The following VDAC1 variants were observed in gnomAD, a reference collection of about 807,000 sequenced individuals.
The protein encoded by VDAC1 is voltage dependent anion channel 1.
A neutral mutation model predicts 34.7 loss-of-function variants in VDAC1; 10 were observed. The ratio of observed to expected loss-of-function variants is 0.29; its 90% CI spans 0.18 to 0.49. The LOEUF is 0.49. Among genes scored for constraint, VDAC1 ranks in the 20% least tolerant of loss-of-function variants. VDAC1 has a pLI of 0.99. For missense variants in VDAC1, 230 were observed against 347.9 expected, an observed-to-expected ratio of 0.66 and a Z score of 2.69; for synonymous variants, 130 against 136.0, an observed-to-expected ratio of 0.96 and a Z score of 0.30.
chr5:134,048,725 A>T, the VDAC1 span, among the ~76,000 whole-genome samples: 3 of 152,098 alleles, frequency 2.0e-5, no homozygotes, highest in Non-Finnish European at 4.4e-5. Flanking sequence ...CCTAGCTCTT[A>T]TCCCCCGCTG....
the VDAC1 span, among the ~76,000 whole-genome samples, chr5:134,071,852 A>G: frequency 5.9e-5 from 9 of 152,256 alleles, no homozygotes; most frequent in East Asian, 1.7e-3. The surrounding 1 kb of genome is among the most constrained non-coding windows in gnomAD (Gnocchi z 4.1). Flanking sequence ...CATAATGGTC[A>G]CAGATCCACT....
At chr5:134,057,459 GAC>G in the VDAC1 span, among the ~76,000 whole-genome samples, 1 of 144,010 alleles carries the variant, frequency 6.9e-6, no homozygotes, top group South Asian at 2.3e-4. Context: ...CAGCCTGGGC[GAC>G]AGAGTGAGGC....
At chr5:134,058,999 C>G in the VDAC1 span, among the ~76,000 whole-genome samples, 1 of 152,348 alleles carries the variant, frequency 6.6e-6, no homozygotes, top group East Asian at 1.9e-4. Flanking sequence ...GCTATGCACC[C>G]TGCATGCCAG....
At chr5:134,068,411 C>CTT in the VDAC1 span, among the ~76,000 whole-genome samples, 10 of 136,924 alleles carry the variant, frequency 7.3e-5, no homozygotes, top group African/African-American at 2.1e-4. Flanking sequence ...TTTCTCAGTG[C>CTT]TTTTTTTTTT....
chr5:134,062,704 G>T, the VDAC1 span, among the ~76,000 whole-genome samples: 2 of 151,588 alleles, frequency 1.3e-5, no homozygotes, highest in Non-Finnish European at 1.5e-5. Flanking sequence ...TCGGCTCACT[G>T]CAACCTCTAC....
chr5:134,105,046 C>A, the VDAC1 span, among the ~76,000 whole-genome samples: 10 of 152,340 alleles, frequency 6.6e-5, no homozygotes, highest in African/African-American at 2.2e-4. Context: ...GCCTACCTCC[C>A]GAGAGCTCCT....
chr5:134,064,341 T>C, the VDAC1 span, among the ~76,000 whole-genome samples: 1 of 152,068 alleles, frequency 6.6e-6, no homozygotes, highest in South Asian at 2.1e-4. Context: ...AGTCTTATTC[T>C]GTCACCCAGG....
Position 133,991,031 on chromosome 5 carries a change from G to A in VDAC1, c.241C>T (p.Leu81=). The A allele has an allele frequency of 1.9e-6, 3 of 1,614,166 alleles. No homozygotes were observed. The highest frequency in any genetic ancestry group is 1.3e-5 in the African/African-American group (1 of 75,034). The change falls in exon 4 of 9, where the codon CTA becomes TTA. Residue 81 remains leucine (L), a synonymous_variant. Transcript: ENST00000265333. The part of the protein sequence containing the change: ...FTEKWNTDNT[L]GTEITVEDQL... Reference sequence around the variant, plus strand: ...TCTTCCACAGTAATCTCGGTGCCTAGTGTATTGTCGGTATTCCATTTCTCT... The same window carrying A: ...TCTTCCACAGTAATCTCGGTGCCTAATGTATTGTCGGTATTCCATTTCTCT...
the VDAC1 span, among the ~76,000 whole-genome samples, chr5:134,103,117 T>C: frequency 6.6e-6 from 1 of 152,046 alleles, no homozygotes; most frequent in Admixed American, 6.6e-5. Flanking sequence ...GACGGTGTCA[T>C]TCTTTTATTT....
chr5:134,086,296 C>T, the VDAC1 span, among the ~76,000 whole-genome samples: 1 of 152,236 alleles, frequency 6.6e-6, no homozygotes, highest in Non-Finnish European at 1.5e-5. Context: ...CAAAGCAACA[C>T]AGGGCCTGTT....
rs373376968 is a variant in VDAC1 at position 133,981,607 on chromosome 5, C to T, written c.324-651G>A. Reference sequence around the variant, plus strand: ...AGCCAGACAGTATCCCAGGTCCAACCTGATGATACCAGATGTGAGTCTATA... The same window carrying T: ...AGCCAGACAGTATCCCAGGTCCAACTTGATGATACCAGATGTGAGTCTATA... On this transcript the variant is annotated intron_variant, in intron 5 of 8. Transcript: ENST00000265333. Among the ~76,000 whole-genome samples the T allele has an allele frequency of 2.6e-5, 4 of 152,304 alleles. No individual in the cohort carries two copies. The South Asian group carries it at 8.3e-4, about 32-fold the overall frequency.
the VDAC1 span, among the ~76,000 whole-genome samples, chr5:134,083,992 G>A: frequency 6.6e-6 from 1 of 152,190 alleles, no homozygotes; most frequent in South Asian, 2.1e-4. Context: ...TCAGGCATGT[G>A]GCATGAGCCT....
the VDAC1 span, among the ~76,000 whole-genome samples, chr5:134,083,497 T>C: frequency 6.6e-6 from 1 of 152,204 alleles, no homozygotes; most frequent in African/African-American, 2.4e-5. Context: ...GCCAAGCCTA[T>C]GCTTTTAAAT....
At chr5:134,099,637 G>A in the VDAC1 span, among the ~76,000 whole-genome samples, 3 of 152,198 alleles carry the variant, frequency 2.0e-5, no homozygotes, top group Non-Finnish European at 4.4e-5. Context: ...CTAGAGGGCA[G>A]TGGTGCAATC....
chr5:134,067,848 T>C, the VDAC1 span, among the ~76,000 whole-genome samples: 3 of 152,200 alleles, frequency 2.0e-5, no homozygotes, highest in Non-Finnish European at 4.4e-5. Context: ...TTGGGCATGA[T>C]ACCTCAGGCC....
chr5:134,006,452 A>C (rs946584960), upstream of VDAC1, among the ~76,000 whole-genome samples: 2 of 151,974 alleles, frequency 1.3e-5, no homozygotes, highest in African/African-American at 4.8e-5. Context: ...GCTTTAAAGA[A>C]CCAATCTGGG....
At chr5:134,054,057 T>C in the VDAC1 span, among the ~76,000 whole-genome samples, 5 of 152,356 alleles carry the variant, frequency 3.3e-5, no homozygotes, top group Admixed American at 2.6e-4. Context: ...AACCATTTGG[T>C]ATAAGCAGTA....
the VDAC1 span, among the ~76,000 whole-genome samples, chr5:134,103,509 C>G: frequency 1.3e-5 from 2 of 152,206 alleles, no homozygotes; most frequent in Non-Finnish European, 2.9e-5. Context: ...ATCGACTCCC[C>G]TCTGCAAGGG....
At chr5:134,035,389 G>A in the VDAC1 span, among the ~76,000 whole-genome samples, 1 of 152,172 alleles carries the variant, frequency 6.6e-6, no homozygotes, top group South Asian at 2.1e-4. Context: ...CTACACGTGT[G>A]CACAACAAAA....
Sources: gnomAD v4.1 joint callset for allele counts (sites outside exome capture counted in the v4.1 genomes callset) on GRCh38, gnomAD v4.1.1 for gene constraint, Gnocchi (gnomAD v3.1) non-coding constraint, MANE v1.5 for transcripts, NCBI Gene and HGNC (gene_info 2026-07-23, HGNC 2026-07-21) for gene names.